Variants in PCDHGA1 observed in about 807,000 individuals in gnomAD.
PCDHGA1 encodes protocadherin gamma subfamily A, 1.
Under a neutral mutation model 58.0 loss-of-function variants are expected in PCDHGA1, and 32 were observed. The observed-to-expected ratio is 0.55, with a 90% CI of 0.42 to 0.74. The LOEUF (loss-of-function observed/expected upper bound fraction) is 0.74, where lower values mean the gene tolerates loss of function less well. Among genes scored for constraint, PCDHGA1 ranks in the 30% least tolerant of loss-of-function variants. The probability of loss-of-function intolerance (pLI) is 0.00; values close to 1 mark genes in which losing one functional copy is unlikely to be tolerated. For synonymous variants in PCDHGA1, 498 were observed against 501.1 expected (o/e 0.99, Z 0.08); for missense variants, 1,205 against 1,182.3 (o/e 1.02, Z -0.28).
chr5:141,383,198 C>A, intron 1 of PCDHGA1: 1 of 1,614,016 alleles, frequency 6.2e-7, no homozygotes, highest in Non-Finnish European at 8.5e-7. Flanking sequence ...GCTCAGAGTG[C>A]GCGGTGTCTG....
chr5:141,507,344 AT>A (rs1345461058), intron 3 of PCDHGA1: 5 of 152,206 alleles, frequency 3.3e-5, no homozygotes, highest in Non-Finnish European at 5.9e-5. Context: ...TTTACCTGAA[AT>A]TCAAATTTAA....
rs1466755382 is a variant in PCDHGA1 at position 141,384,339 on chromosome 5, C to G, written c.2421+51234C>G. 19 of 1,613,782 alleles carry G rather than the reference C, an allele frequency of 1.2e-5. 1 individual carries two copies. Among genetic ancestry groups the G allele is most frequent in the Non-Finnish European group, 1.6e-5 (19 of 1,179,910 alleles). ...TCTTAGTGACTGCACAGGACCACGA[C>G]AGTGAGGATAATGCCCAGATCACTT... On this transcript the variant is annotated intron_variant, in intron 1 of 3. Coordinates refer to ENST00000517417, the MANE Select transcript of PCDHGA1 (RefSeq NM_018912.3).
chr5:141,386,939 A>T (rs2150323633), intron 1 of PCDHGA1, among the ~76,000 whole-genome samples: 1 of 152,358 alleles, frequency 6.6e-6, no homozygotes, highest in South Asian at 2.1e-4. Flanking sequence ...AGAGGTAGGA[A>T]GCAGTGCTTC....
At chr5:141,434,364 A>G (rs1023051594) in intron 1 of PCDHGA1, among the ~76,000 whole-genome samples, 1 of 152,208 alleles carries the variant, frequency 6.6e-6, no homozygotes, top group Non-Finnish European at 1.5e-5. Context: ...AAATCTGGCC[A>G]TAAACTGGCC....
chr5:141,374,528 T>C (rs759567011), intron 1 of PCDHGA1: 27 of 1,612,930 alleles, frequency 1.7e-5, no homozygotes, highest in Non-Finnish European at 2.1e-5. Context: ...CGCAGCTCCA[T>C]CCTCTCGTTT....
chr5:141,451,069 C>G (rs2098705799), intron 1 of PCDHGA1, among the ~76,000 whole-genome samples: 1 of 151,836 alleles, frequency 6.6e-6, no homozygotes, highest in Non-Finnish European at 1.5e-5. Flanking sequence ...ACCTTGTGAT[C>G]CACCCACCTT....
At chr5:141,483,988 G>A (rs78891657) in intron 1 of PCDHGA1, among the ~76,000 whole-genome samples, 1,520 of 149,036 alleles carry the variant, frequency 0.01, 30 homozygotes, top group African/African-American at 0.037. Flanking sequence ...TAGCTAGGTT[G>A]CTGGGAGGTC....
chr5:141,410,785 G>T, intron 1 of PCDHGA1: 1 of 804,598 alleles, frequency 1.2e-6, no homozygotes, highest in Non-Finnish European at 1.8e-6. Context: ...TATGTATTTG[G>T]TTCATAAGTT....
At chr5:141,356,311 G>A (rs1760187791) in intron 1 of PCDHGA1, 1 of 1,554,072 alleles carries the variant, frequency 6.4e-7, no homozygotes. Context: ...ACTTTTCAAC[G>A]TGCATGACAG....
intron 1 of PCDHGA1, chr5:141,422,865 C>G: frequency 1.2e-6 from 2 of 1,614,244 alleles, no homozygotes; most frequent in Non-Finnish European, 1.7e-6. Context: ...TCAGCAGCAA[C>G]GTGTCGCTGA....
intron 1 of PCDHGA1, chr5:141,370,528 C>T (rs896464914): frequency 1.3e-5 from 21 of 1,613,784 alleles, no homozygotes; most frequent in Middle Eastern, 1.6e-4. Flanking sequence ...GACAGGGGCT[C>T]GCTGGTAGGG....
chr5:141,331,332 T>TG lies in PCDHGA1; in HGVS notation c.653dup (p.Glu219Ter). On this transcript the variant is annotated frameshift_variant, in exon 1 of 4. Coordinates refer to ENST00000517417, the MANE Select transcript of PCDHGA1 (RefSeq NM_018912.3). LOFTEE classifies it high-confidence loss of function. ...ACCACCTCATCCTCACAGCTTCTGATGGGGGTGAACCAGTCCGTTCAGGGA... is the reference window on the plus strand; with the variant it reads ...ACCACCTCATCCTCACAGCTTCTGATGGGGGGTGAACCAGTCCGTTCAGGGA... 6.2e-7 allele frequency: 1 copy of TG among 1,614,134 alleles called. No homozygotes were observed. Among genetic ancestry groups the TG allele is most frequent in the Non-Finnish European group, 8.5e-7 (1 of 1,180,036 alleles).
chr5:141,435,603 T>C (rs1195458514), intron 1 of PCDHGA1, among the ~76,000 whole-genome samples: 1 of 152,218 alleles, frequency 6.6e-6, no homozygotes, highest in African/African-American at 2.4e-5. Flanking sequence ...GCCTGCTTTT[T>C]ACATTAAATT....
rs1384424498 is a variant in PCDHGA1, at chr5:141,431,677, G to A, written c.2422-63130G>A. On this transcript the variant is annotated intron_variant, in intron 1 of 3. Coordinates refer to ENST00000517417, the MANE Select transcript of PCDHGA1 (RefSeq NM_018912.3). This position sits in a 1 kb window ranked among gnomAD's most constrained non-coding sequence, Gnocchi z 4.8. The stretch of plus-strand genomic sequence containing the variant: ...CAGGGACAATATCAACAATAGGGGA[G>A]TTGGACCACGAGGAGTCAGGATTCT... 2 of 1,614,236 alleles carry A rather than the reference G, an allele frequency of 1.2e-6. No homozygotes were observed. The highest frequency in any genetic ancestry group is 1.7e-6 in the Non-Finnish European group (2 of 1,180,050).
chr5:141,392,826 C>T, intron 1 of PCDHGA1: 1 of 1,601,188 alleles, frequency 6.2e-7, no homozygotes, highest in Non-Finnish European at 8.5e-7. Context: ...GGCCGCTCCA[C>T]AGAGTCGCCC....
chr5:141,431,003 G>T lies in PCDHGA1; in HGVS notation c.2422-63804G>T, dbSNP rs2097334899. ...GCTTTTCGCCCTGAATCCGCGCAGC[G>T]GCAGCTTGGTCACGGCGGGCAGGAT... On this transcript the variant is annotated intron_variant, in intron 1 of 3. Coordinates refer to ENST00000517417, the MANE Select transcript of PCDHGA1 (RefSeq NM_018912.3). This position sits in a 1 kb window ranked among gnomAD's most constrained non-coding sequence, Gnocchi z 4.8. 1.9e-6 allele frequency: 3 copies of T among 1,613,960 alleles called. No homozygotes were observed. The highest frequency in any genetic ancestry group is 2.5e-6 in the Non-Finnish European group (3 of 1,179,982).
chr5:141,510,510 G>C (rs1042950478), intron 3 of PCDHGA1, among the ~76,000 whole-genome samples: 1 of 152,132 alleles, frequency 6.6e-6, no homozygotes, highest in Non-Finnish European at 1.5e-5. Context: ...CTGAGAGCCC[G>C]TGTCACAGCC....
chr5:141,372,682 C>G, intron 1 of PCDHGA1: 1 of 1,614,010 alleles, frequency 6.2e-7, no homozygotes, highest in Non-Finnish European at 8.5e-7. Context: ...TCCTCAAACA[C>G]CGAGTTTAAA....
At chr5:141,389,538 G>C (rs772693461) in intron 1 of PCDHGA1, 1 of 1,613,186 alleles carries the variant, frequency 6.2e-7, no homozygotes, top group African/African-American at 1.3e-5. Flanking sequence ...GTTAGTGGAC[G>C]ACCGCAACGA....
Sources: gnomAD v4.1 joint callset for allele counts (sites outside exome capture counted in the v4.1 genomes callset) on GRCh38, gnomAD v4.1.1 for gene constraint, Gnocchi (gnomAD v3.1) non-coding constraint, MANE v1.5 for transcripts, NCBI Gene and HGNC (gene_info 2026-07-23, HGNC 2026-07-21) for gene names.